Variants in FSTL4 observed in about 807,000 individuals in gnomAD.
FSTL4 encodes follistatin like 4, also known as follistatin-related protein 4.
Under a neutral mutation model 78.2 loss-of-function variants are expected in FSTL4, and 28 were observed. The observed-to-expected ratio is 0.36, with a 90% CI of 0.27 to 0.49. The LOEUF is 0.49. Among genes scored for constraint, FSTL4 ranks in the 20% least tolerant of loss-of-function variants. The pLI, the probability that FSTL4 is intolerant of heterozygous loss-of-function variation, is 0.98. For synonymous variants in FSTL4, 422 were observed against 440.5 expected, an observed-to-expected ratio of 0.96 and a Z score of 0.53; for missense variants, 922 against 1,084.9, an observed-to-expected ratio of 0.85 and a Z score of 2.11.
intron 3 of FSTL4, among the ~76,000 whole-genome samples, chr5:133,467,112 CTG>C (rs1398687915): frequency 6.7e-6 from 1 of 149,574 alleles, no homozygotes; most frequent in Non-Finnish European, 1.5e-5. Context: ...GTATATATGT[CTG>C]AATATGTATG....
chr5:133,237,730 A>ATTAC (rs1751706524), intron 7 of FSTL4, among the ~76,000 whole-genome samples: 1 of 152,210 alleles, frequency 6.6e-6, no homozygotes, highest in Admixed American at 6.5e-5. Flanking sequence ...TTAACAATTG[A>ATTAC]TTTATAAGAA....
intron 4 of FSTL4, among the ~76,000 whole-genome samples, chr5:133,366,308 C>T (rs1420575485): frequency 1.3e-5 from 2 of 152,274 alleles, no homozygotes; most frequent in South Asian, 2.1e-4. Flanking sequence ...ATTGAAACTC[C>T]GCATTGAAAC....
intron 3 of FSTL4, among the ~76,000 whole-genome samples, chr5:133,475,035 A>G (rs1757901944): frequency 6.6e-6 from 1 of 152,178 alleles, no homozygotes; most frequent in Non-Finnish European, 1.5e-5. Flanking sequence ...GCCTCAGCTC[A>G]TGTGTCACAA....
intron 3 of FSTL4, among the ~76,000 whole-genome samples, chr5:133,402,249 A>G (rs180880278): frequency 4.6e-5 from 7 of 152,352 alleles, no homozygotes; most frequent in South Asian, 4.1e-4. Context: ...AGCAGCACCC[A>G]GAGCTCACAC....
chr5:133,577,732 C>A (rs1760314791), intron 2 of FSTL4, among the ~76,000 whole-genome samples: 1 of 152,102 alleles, frequency 6.6e-6, no homozygotes, highest in African/African-American at 2.4e-5. Flanking sequence ...AGTGAAACCC[C>A]CCTCTCTACA....
At chr5:133,700,882 A>G in the FSTL4 span, among the ~76,000 whole-genome samples, 2 of 152,270 alleles carry the variant, frequency 1.3e-5, no homozygotes, top group African/African-American at 2.4e-5. Context: ...TGGAAGTTCC[A>G]TAGGACTCCA....
chr5:133,413,009 CCTT>C (rs2126981206), intron 3 of FSTL4, among the ~76,000 whole-genome samples: 1 of 152,072 alleles, frequency 6.6e-6, no homozygotes, highest in South Asian at 2.1e-4. Flanking sequence ...TCTTTTGGTT[CCTT>C]ATTTTGAATC....
the FSTL4 span, among the ~76,000 whole-genome samples, chr5:133,661,679 G>A: frequency 6.6e-6 from 1 of 152,218 alleles, no homozygotes; most frequent in African/African-American, 2.4e-5. Context: ...AGTATGAAAA[G>A]TGGTTTCCAA....
chr5:133,526,089 C>G (rs934875738), intron 3 of FSTL4, among the ~76,000 whole-genome samples: 1 of 152,176 alleles, frequency 6.6e-6, no homozygotes, highest in African/African-American at 2.4e-5. Flanking sequence ...AACAGATGAA[C>G]AGCTTTGATA....
chr5:133,408,430 G>C (rs1031814899), intron 3 of FSTL4, among the ~76,000 whole-genome samples: 1 of 152,090 alleles, frequency 6.6e-6, no homozygotes, highest in African/African-American at 2.4e-5. Flanking sequence ...CCACTTAACT[G>C]AGACTTACTG....
intron 3 of FSTL4, among the ~76,000 whole-genome samples, chr5:133,495,542 C>T (rs1758352134): frequency 6.6e-6 from 1 of 152,152 alleles, no homozygotes; most frequent in Admixed American, 6.5e-5. Context: ...AGTTCCTGCT[C>T]TGGGGTATAA....
intron 4 of FSTL4, among the ~76,000 whole-genome samples, chr5:133,357,644 C>T (rs111506958): frequency 6.6e-6 from 1 of 152,246 alleles, no homozygotes; most frequent in African/African-American, 2.4e-5. Context: ...TCCAAACCTA[C>T]AGGGCCCTTT....
intron 6 of FSTL4, among the ~76,000 whole-genome samples, chr5:133,300,243 A>G (rs7733176): frequency 0.11 from 16,154 of 152,168 alleles, 983 homozygotes; most frequent in East Asian, 0.21. Flanking sequence ...TGGTGGCCAC[A>G]TCTCCCACAG....
chr5:133,690,958 A>G, the FSTL4 span, among the ~76,000 whole-genome samples: 22 of 152,168 alleles, frequency 1.4e-4, no homozygotes, highest in South Asian at 1.2e-3. Flanking sequence ...TCTCCCAGAG[A>G]GCTCCATAAA....
At chr5:133,780,934 C>T in the FSTL4 span, among the ~76,000 whole-genome samples, 1 of 152,180 alleles carries the variant, frequency 6.6e-6, no homozygotes, top group African/African-American at 2.4e-5. Context: ...AGAAAACACT[C>T]AGAGAGGTTC....
At chr5:133,685,209 T>C in the FSTL4 span, among the ~76,000 whole-genome samples, 1 of 152,284 alleles carries the variant, frequency 6.6e-6, no homozygotes, top group African/African-American at 2.4e-5. Context: ...TCTCCTGGGA[T>C]GGGGCCCATC....
intron 1 of FSTL4, among the ~76,000 whole-genome samples, chr5:133,604,827 T>G (rs960854994): frequency 2.0e-5 from 3 of 152,062 alleles, no homozygotes; most frequent in Non-Finnish European, 4.4e-5. Flanking sequence ...AATATCTTAG[T>G]TTCAAGACCA....
At chr5:133,773,065 T>C in the FSTL4 span, among the ~76,000 whole-genome samples, 1 of 152,064 alleles carries the variant, frequency 6.6e-6, no homozygotes, top group Non-Finnish European at 1.5e-5. Flanking sequence ...TTTAATTTGT[T>C]CTAATACAGA....
chr5:133,793,436 C>T, the FSTL4 span, among the ~76,000 whole-genome samples: 2 of 152,376 alleles, frequency 1.3e-5, no homozygotes, highest in East Asian at 3.9e-4. Flanking sequence ...TCATTTGAGC[C>T]TTTCAGCAAC....
Sources: allele counts gnomAD v4.1 joint callset (sites outside exome capture counted in the v4.1 genomes callset), GRCh38; gene constraint gnomAD v4.1.1; transcripts MANE v1.5; gene names NCBI Gene and HGNC (gene_info 2026-07-23, HGNC 2026-07-21).